SLC8A1: variants seen among roughly 807,000 people sequenced by gnomAD.
The protein encoded by SLC8A1 is sodium/calcium exchanger 1.
SLC8A1 carries 18 observed loss-of-function variants against 68.3 expected under a neutral mutation model. That is an observed-to-expected ratio of 0.26 (90% CI 0.18 to 0.39). SLC8A1 has a LOEUF of 0.39. Ranked by LOEUF, SLC8A1 falls within the 10% of genes least tolerant of loss-of-function variation. The pLI is 1.00. For missense variants in SLC8A1, 985 were observed against 1,156.7 expected (o/e 0.85, Z 2.15); for synonymous variants, 475 against 415.5 (o/e 1.14, Z -1.74).
intron 2 of SLC8A1, among the ~76,000 whole-genome samples, chr2:40,287,598 G>T (rs1575089154): frequency 7.1e-6 from 1 of 141,188 alleles, no homozygotes; most frequent in Non-Finnish European, 1.5e-5. Flanking sequence ...GTGTGTGTGT[G>T]TGTGTGTGTG....
chr2:40,333,265 C>T (rs1020435663), intron 2 of SLC8A1, among the ~76,000 whole-genome samples: 1 of 151,920 alleles, frequency 6.6e-6, no homozygotes, highest in South Asian at 2.1e-4. Flanking sequence ...GGTGAAACTT[C>T]GTCTCTACTA....
chr2:40,448,076 G>C (rs1334823392), intron 1 of SLC8A1, among the ~76,000 whole-genome samples: 1 of 152,222 alleles, frequency 6.6e-6, no homozygotes, highest in South Asian at 2.1e-4. Flanking sequence ...AAAATCACTT[G>C]AGGCAGCAAG....
At chr2:40,250,514 G>A (rs2062567773) in intron 2 of SLC8A1, 1 of 150,000 alleles carries the variant, frequency 6.7e-6, no homozygotes, top group African/African-American at 2.5e-5. Flanking sequence ...GAAAATGTAA[G>A]TGCAAGCGTG....
rs957474208 is a variant in SLC8A1, at chr2:40,376,501, T to C, written c.1808+51972A>G. On this transcript the variant is annotated intron_variant, in intron 2 of 7. Transcript: ENST00000406785. Reference sequence around the variant, plus strand: ...AATCTGAGGAGGTCTCACTCTCTGTTGTCAGTCACTCTGACATTTACCTCA... The same window carrying C: ...AATCTGAGGAGGTCTCACTCTCTGTCGTCAGTCACTCTGACATTTACCTCA... Among the ~76,000 whole-genome samples the C allele has an allele frequency of 3.3e-5, 5 of 152,254 alleles. No homozygotes were observed. The East Asian group carries it at 9.7e-4, about 30-fold the overall frequency.
At chr2:40,302,029 A>ATTG in intron 2 of SLC8A1, among the ~76,000 whole-genome samples, 1 of 83,888 alleles carries the variant, frequency 1.2e-5, no homozygotes, top group East Asian at 4.0e-4. Flanking sequence ...CACCGGGCTA[A>ATTG]TCTGTGTGTG....
chr2:40,392,273 C>G (rs1475232972), intron 2 of SLC8A1, among the ~76,000 whole-genome samples: 1 of 149,420 alleles, frequency 6.7e-6, no homozygotes, highest in Non-Finnish European at 1.5e-5. Flanking sequence ...AGCAAGCAAG[C>G]AAGAAAACCT....
intron 3 of SLC8A1, chr2:40,175,278 A>T (rs753084111): frequency 6.2e-7 from 1 of 1,612,966 alleles, no homozygotes; most frequent in South Asian, 1.1e-5. Flanking sequence ...ATTCAATAAC[A>T]GGGCTGTGAA....
chr2:40,202,039 C>T (rs899673090), intron 2 of SLC8A1, among the ~76,000 whole-genome samples: 8 of 151,946 alleles, frequency 5.3e-5, no homozygotes, highest in Admixed American at 3.9e-4. Flanking sequence ...TGTGTGTACA[C>T]GTGGAGGTGT....
At chr2:40,101,334 C>G (rs186015147) in exon 8 of SLC8A1, 1 of 152,250 alleles carries the variant, frequency 6.6e-6, no homozygotes, top group Admixed American at 6.5e-5. Flanking sequence ...CAGTCATACA[C>G]AGCACTCTTC....
chr2:40,408,942 AAAAC>A (rs2149690011), intron 2 of SLC8A1, among the ~76,000 whole-genome samples: 2 of 152,320 alleles, frequency 1.3e-5, no homozygotes, highest in South Asian at 4.1e-4. Flanking sequence ...ATAAGAGAAA[AAAAC>A]AAAATTTTCT....
chr2:40,432,781 T>C (rs1305836783), intron 1 of SLC8A1, among the ~76,000 whole-genome samples: 1 of 152,002 alleles, frequency 6.6e-6, no homozygotes, highest in Non-Finnish European at 1.5e-5. Flanking sequence ...CTGATTTTTC[T>C]TTTAGAAGGA....
At chr2:40,230,521 T>C (rs1574398103) in intron 2 of SLC8A1, among the ~76,000 whole-genome samples, 1 of 152,250 alleles carries the variant, frequency 6.6e-6, no homozygotes, top group East Asian at 1.9e-4. Context: ...TGTTTCACAA[T>C]CTTCATTCTA....
chr2:40,376,082 G>C lies in SLC8A1; in HGVS notation c.1808+52391C>G, dbSNP rs1238342687. On this transcript the variant is annotated intron_variant, in intron 2 of 7. Coordinates refer to ENST00000406785, the Ensembl canonical transcript of SLC8A1. ...GTATATTTAGAATGCTGAATGAAGA[G>C]GTAGACTCTCAAACCTAAAATTTTC... Among the ~76,000 whole-genome samples, 9 of 152,008 alleles carry C rather than the reference G, an allele frequency of 5.9e-5. No individual in the cohort carries two copies. The East Asian group carries it at 1.4e-3, about 23-fold the overall frequency.
chr2:40,362,223 A>G (rs896395605), intron 2 of SLC8A1, among the ~76,000 whole-genome samples: 3 of 151,858 alleles, frequency 2.0e-5, no homozygotes, highest in African/African-American at 7.3e-5. Context: ...CTAAGTTTGG[A>G]AGTAAGAGAA....
chr2:40,151,351 A>G (rs544232238), intron 6 of SLC8A1, among the ~76,000 whole-genome samples: 5 of 152,290 alleles, frequency 3.3e-5, no homozygotes, highest in Admixed American at 2.0e-4. Flanking sequence ...ATCCAGTTAT[A>G]TACGGATTGG....
chr2:40,420,158 T>C lies in SLC8A1; in HGVS notation c.1808+8315A>G, dbSNP rs1323522865. On this transcript the variant is annotated intron_variant, in intron 2 of 7. Coordinates refer to ENST00000406785, the Ensembl canonical transcript of SLC8A1. Reference sequence around the variant, plus strand: ...CTAAAAATTCTATGTGCTGCGGAGGTTGGAATTCTAAGTTTTTTATAAGAT... The same window carrying C: ...CTAAAAATTCTATGTGCTGCGGAGGCTGGAATTCTAAGTTTTTTATAAGAT... 2.6e-5 allele frequency among the ~76,000 whole-genome samples: 4 copies of C among 151,858 alleles called. No homozygotes were observed. In the East Asian group the frequency reaches 5.8e-4, roughly 22 times the overall value.
At chr2:40,302,342 C>T (rs13407499) in intron 2 of SLC8A1, among the ~76,000 whole-genome samples, 1 of 151,524 alleles carries the variant, frequency 6.6e-6, no homozygotes, top group Non-Finnish European at 1.5e-5. Flanking sequence ...TTTTCTATTC[C>T]TGAGTTACTT....
chr2:40,330,849 G>T (rs2076335325), intron 2 of SLC8A1, among the ~76,000 whole-genome samples: 1 of 152,158 alleles, frequency 6.6e-6, no homozygotes. Context: ...ACTGCCTCTG[G>T]AATCTACGGC....
chr2:40,331,973 A>G (rs2076460203), intron 2 of SLC8A1, among the ~76,000 whole-genome samples: 1 of 152,012 alleles, frequency 6.6e-6, no homozygotes, highest in African/African-American at 2.4e-5. Context: ...GTTTGAGGTT[A>G]CAGTGAGCTA....
Sources: gnomAD v4.1 joint callset for allele counts (sites outside exome capture counted in the v4.1 genomes callset) on GRCh38, gnomAD v4.1.1 for gene constraint, MANE v1.5 for transcripts, NCBI Gene and HGNC (gene_info 2026-07-23, HGNC 2026-07-21) for gene names.